MCPH1: variants seen among roughly 807,000 people sequenced by gnomAD.
The protein encoded by MCPH1 is microcephalin.
A neutral mutation model predicts 84.5 loss-of-function variants in MCPH1; 104 were observed. The observed-to-expected ratio is 1.23, with a 90% CI of 1.05 to 1.45. The LOEUF is 1.45. MCPH1 is among the 40% of genes most tolerant of loss of function. The pLI is 0.00. For synonymous variants in MCPH1, 514 were observed against 366.8 expected (o/e 1.40, Z -4.58); for missense variants, 1,498 against 1,005.7 (o/e 1.49, Z -6.62).
intron 11 of MCPH1, among the ~76,000 whole-genome samples, chr8:6,492,592 A>T (rs1810748074): frequency 6.6e-6 from 1 of 150,838 alleles, no homozygotes; most frequent in Admixed American, 6.6e-5. Context: ...TCTATGCTAT[A>T]GAAATAGCAT....
chr8:6,502,048 A>G (rs1812299804), intron 12 of MCPH1: 2 of 152,032 alleles, frequency 1.3e-5, no homozygotes, highest in South Asian at 4.1e-4. Flanking sequence ...TTTCTTAAAT[A>G]GAAGGCTTTT....
Position 6,430,019 on chromosome 8 carries a change from A to G in MCPH1, c.234-1480A>G, listed in dbSNP as rs145617560. 3.0e-3 allele frequency among the ~76,000 whole-genome samples: 461 copies of G among 152,174 alleles called. 2 individuals carry two copies. The highest frequency in any genetic ancestry group is 5.0e-3 in the Non-Finnish European group (343 of 67,994). On this transcript the variant is annotated intron_variant, in intron 3 of 13. Coordinates refer to ENST00000344683, the MANE Select transcript of MCPH1 (RefSeq NM_024596.5). Reference sequence around the variant, plus strand: ...ACAAATGGTGTATGTTTTCCCCACAATGTCACCCTGTTTGCTGCACTGTGC... The same window carrying G: ...ACAAATGGTGTATGTTTTCCCCACAGTGTCACCCTGTTTGCTGCACTGTGC...
At chr8:6,606,765 G>A (rs1829809773) in intron 12 of MCPH1, among the ~76,000 whole-genome samples, 1 of 152,206 alleles carries the variant, frequency 6.6e-6, no homozygotes, top group Non-Finnish European at 1.5e-5. Context: ...TGTTGTGGGA[G>A]GTAATTGAAT....
At chr8:6,540,036 T>C (rs1220548569) in intron 12 of MCPH1, among the ~76,000 whole-genome samples, 1 of 152,212 alleles carries the variant, frequency 6.6e-6, no homozygotes, top group Non-Finnish European at 1.5e-5. Flanking sequence ...CCTCAGCTGG[T>C]GGCATTCTAA....
intron 12 of MCPH1, among the ~76,000 whole-genome samples, chr8:6,570,408 G>A (rs982271327): frequency 2.6e-5 from 4 of 152,164 alleles, no homozygotes; most frequent in African/African-American, 9.7e-5. Context: ...CTGCCAAAAC[G>A]GACAGAAAGC....
chr8:6,598,788 C>T (rs1586752767), intron 12 of MCPH1, among the ~76,000 whole-genome samples: 1 of 152,228 alleles, frequency 6.6e-6, no homozygotes, highest in South Asian at 2.1e-4. Context: ...CCGAAAGGCG[C>T]CCTAACACTT....
chr8:6,488,586 C>T (rs1284459656), intron 11 of MCPH1, among the ~76,000 whole-genome samples: 1 of 152,102 alleles, frequency 6.6e-6, no homozygotes, highest in Non-Finnish European at 1.5e-5. Flanking sequence ...CTACTTAATG[C>T]ACCTGGCACA....
chr8:6,602,229 C>T (rs373083899), intron 12 of MCPH1, among the ~76,000 whole-genome samples: 2 of 152,228 alleles, frequency 1.3e-5, no homozygotes, highest in South Asian at 4.1e-4. Flanking sequence ...AAGGGGCCAG[C>T]CCGTGGGGAG....
intron 9 of MCPH1, 137 bp from the exon 10 acceptor site, chr8:6,477,457 T>A: frequency 1.3e-6 from 1 of 744,082 alleles, no homozygotes; most frequent in Middle Eastern, 3.8e-4. Context: ...TAAAGGTTTT[T>A]TTTCTTTGAC....
chr8:6,422,511 T>C (rs1387005897), intron 3 of MCPH1, among the ~76,000 whole-genome samples: 1 of 152,144 alleles, frequency 6.6e-6, no homozygotes, highest in African/African-American at 2.4e-5. Context: ...GGATGGTCAC[T>C]GGTAGTGTGT....
At chr8:6,412,123 C>T (rs1382916361) in intron 2 of MCPH1, among the ~76,000 whole-genome samples, 1 of 152,156 alleles carries the variant, frequency 6.6e-6, no homozygotes, top group Non-Finnish European at 1.5e-5. Context: ...GTTTGACCTC[C>T]CTAATGCCTG....
At chr8:6,458,313 A>G (rs542869674) in intron 9 of MCPH1, among the ~76,000 whole-genome samples, 1 of 152,086 alleles carries the variant, frequency 6.6e-6, no homozygotes, top group South Asian at 2.1e-4. Flanking sequence ...TCTACTAGAA[A>G]TACAAAAAAT....
In MCPH1 at chr8:6,477,951, G is replaced by C. The variant is rs1305565659; in HGVS notation, c.1973+320G>C. On this transcript the variant is annotated intron_variant, in intron 10 of 13. Transcript: ENST00000344683. ...ATTGACCAAAACATTTCCCTTAAAG[G>C]TCTTAAAGCAATACTGCAGCAGAAA... Among the ~76,000 whole-genome samples the C allele has an allele frequency of 2.0e-5, 3 of 152,276 alleles. No individual in the cohort carries two copies. In the East Asian group the frequency reaches 5.8e-4, roughly 29 times the overall value.
intron 12 of MCPH1, chr8:6,521,239 C>A: frequency 1.2e-6 from 2 of 1,613,908 alleles, no homozygotes; most frequent in Non-Finnish European, 1.7e-6. Context: ...CATGTTGCTG[C>A]TTCTGAAGAA....
rs1804085397 is a variant in MCPH1, at chr8:6,445,075, G to C, written c.1353G>C (p.Glu451Asp). The change falls in exon 8 of 14, where the codon GAG (glutamate) becomes GAC (aspartate). Residue 451 changes from glutamate (E) to aspartate (D), a missense_variant. Transcript: ENST00000344683. ...QLSCRSLSKK[E>D]RTSIFEMSDF... is the part of the protein sequence containing the mutation. ...GCTGCAGAAGTCTTTCTAAGAAGGA[G>C]AGAACAAGCATATTTGAAATGTCTG... The C allele has an allele frequency of 1.9e-6, 3 of 1,614,128 alleles. No homozygotes were observed. Among genetic ancestry groups the C allele is most frequent in the South Asian group, 1.1e-5 (1 of 91,088 alleles).
chr8:6,410,982 C>T (rs1054860774), intron 2 of MCPH1, among the ~76,000 whole-genome samples: 27 of 152,012 alleles, frequency 1.8e-4, no homozygotes, highest in African/African-American at 5.8e-4. Context: ...CTCAGTGATT[C>T]GGGAGGCTGA....
chr8:6,625,618 G>T, intron 13 of MCPH1: 1 of 985,328 alleles, frequency 1.0e-6, no homozygotes. Flanking sequence ...TGCTTTGTAA[G>T]GTAGGGTCCC....
chr8:6,431,679 T>G, intron 4 of MCPH1, 93 bp downstream of exon 4: 1 of 837,586 alleles, frequency 1.2e-6, no homozygotes, highest in South Asian at 1.6e-5. Context: ...AGAAATATAT[T>G]CAAGAGTTGT....
chr8:6,502,156 GTTTC>G (rs1219625459), intron 12 of MCPH1: 1 of 152,056 alleles, frequency 6.6e-6, no homozygotes, highest in African/African-American at 2.4e-5. Flanking sequence ...AGATAGTAAA[GTTTC>G]TTTGTCATAG....
Sources: allele counts gnomAD v4.1 joint callset (sites outside exome capture counted in the v4.1 genomes callset), GRCh38; gene constraint gnomAD v4.1.1; transcripts MANE v1.5; gene names NCBI Gene and HGNC (gene_info 2026-07-23, HGNC 2026-07-21).